The following XRCC4 variants were observed in gnomAD, a reference collection of about 807,000 sequenced individuals.
XRCC4 encodes the protein X-ray repair cross complementing 4.
XRCC4 carries 28 observed loss-of-function variants against 39.1 expected under a neutral mutation model. The ratio of observed to expected loss-of-function variants is 0.72; its 90% CI spans 0.53 to 0.98. The LOEUF is 0.98. Among genes scored for constraint, XRCC4 ranks in the 50% least tolerant of loss-of-function variants. The pLI, the probability that XRCC4 is intolerant of heterozygous loss-of-function variation, is 0.00. For synonymous variants in XRCC4, 123 were observed against 126.4 expected, an observed-to-expected ratio of 0.97 and a Z score of 0.18; for missense variants, 350 against 376.4, an observed-to-expected ratio of 0.93 and a Z score of 0.58.
At chr5:83,154,105 A>G (rs754105733) in intron 3 of XRCC4, among the ~76,000 whole-genome samples, 1 of 152,218 alleles carries the variant, frequency 6.6e-6, no homozygotes, top group East Asian at 1.9e-4. Context: ...TTGAATACAT[A>G]TGAATTGGCC....
chr5:83,342,006 G>C (rs944234237), intron 7 of XRCC4, among the ~76,000 whole-genome samples: 4 of 152,160 alleles, frequency 2.6e-5, no homozygotes, highest in African/African-American at 9.7e-5. Context: ...CACCTGGCCT[G>C]TCTTAAAGGA....
At chr5:83,147,873 C>T (rs184466325) in intron 3 of XRCC4, among the ~76,000 whole-genome samples, 147 of 151,654 alleles carry the variant, frequency 9.7e-4, no homozygotes, top group African/African-American at 3.3e-3. Context: ...TCACTGCAAT[C>T]TCTGCCTCCC....
chr5:83,354,027 C>T (rs1757160542), downstream of XRCC4, among the ~76,000 whole-genome samples: 1 of 152,148 alleles, frequency 6.6e-6, no homozygotes. Flanking sequence ...ACCTTTCATT[C>T]TTTCTTCACT....
chr5:83,227,760 T>C (rs1437132520), intron 6 of XRCC4, among the ~76,000 whole-genome samples: 1 of 152,130 alleles, frequency 6.6e-6, no homozygotes, highest in African/African-American at 2.4e-5. Flanking sequence ...GTTCTTTTTC[T>C]ATTCTGTTCT....
At chr5:83,257,675 T>C (rs983790826) in intron 6 of XRCC4, among the ~76,000 whole-genome samples, 1 of 152,162 alleles carries the variant, frequency 6.6e-6, no homozygotes, top group Non-Finnish European at 1.5e-5. Context: ...GACCCAGCAA[T>C]CCCATTACTG....
chr5:83,141,963 C>T (rs1230624101), intron 3 of XRCC4, among the ~76,000 whole-genome samples: 2 of 152,156 alleles, frequency 1.3e-5, no homozygotes, highest in Non-Finnish European at 2.9e-5. Flanking sequence ...TTTACACCTA[C>T]TGTCTTCTGG....
intron 7 of XRCC4, among the ~76,000 whole-genome samples, chr5:83,337,981 T>C (rs1239874498): frequency 2.0e-5 from 3 of 152,108 alleles, no homozygotes; most frequent in African/African-American, 7.2e-5. Context: ...ATGATACTAC[T>C]AAGACATCTA....
At chr5:83,349,201 C>A (rs1757007823) in intron 7 of XRCC4, among the ~76,000 whole-genome samples, 1 of 152,128 alleles carries the variant, frequency 6.6e-6, no homozygotes. Flanking sequence ...CACATACTAT[C>A]ACAAGAATAG....
chr5:83,081,100 C>T (rs966909035), intron 1 of XRCC4, among the ~76,000 whole-genome samples: 1 of 152,144 alleles, frequency 6.6e-6, no homozygotes, highest in African/African-American at 2.4e-5. Flanking sequence ...TGGATTCAGC[C>T]TCCTCACGGG....
intron 7 of XRCC4, 88 bp from the exon 8 acceptor site, chr5:83,353,043 A>G: frequency 9.6e-7 from 1 of 1,043,424 alleles, no homozygotes. Flanking sequence ...TTTAACTGTC[A>G]TTTCACTTAT....
Position 83,172,326 on chromosome 5 carries a change from C to G in XRCC4, c.316-23444C>G, listed in dbSNP as rs78483550. On this transcript the variant is annotated intron_variant, in intron 3 of 7. Transcript: ENST00000396027. ...AATATTTATAACTTTTCCAAACAAG[C>G]CTTCTAACCATTGCTTGTCCCTAAA... 4.5e-3 allele frequency among the ~76,000 whole-genome samples: 685 copies of G among 152,236 alleles called. 5 individuals are homozygous for G. Among genetic ancestry groups the G allele is most frequent in the Non-Finnish European group, 6.4e-3 (434 of 67,976 alleles).
downstream of XRCC4, among the ~76,000 whole-genome samples, chr5:83,354,582 G>T (rs1265263392): frequency 1.3e-5 from 2 of 152,112 alleles, no homozygotes; most frequent in Admixed American, 6.6e-5. Flanking sequence ...ATACATCTTG[G>T]CATCTTTTAT....
intron 7 of XRCC4, among the ~76,000 whole-genome samples, chr5:83,340,895 G>A (rs1756737930): frequency 6.6e-6 from 1 of 152,116 alleles, no homozygotes; most frequent in African/African-American, 2.4e-5. Flanking sequence ...TAGTATTATT[G>A]TCTACCCATG....
rs939045704 is a variant in XRCC4 at position 83,313,594 on chromosome 5, C to G, written c.894-39537C>G. Among the ~76,000 whole-genome samples, 4 of 152,276 alleles carry G rather than the reference C, an allele frequency of 2.6e-5. 1 individual carries two copies. Among genetic ancestry groups the G allele is most frequent in the East Asian group, 1.9e-4 (1 of 5,186 alleles). ...TCAGAAAAAAAAGATTCCTTTCATA[C>G]TTTTCTCCCCAACACTAACTCTGCT... On this transcript the variant is annotated intron_variant, in intron 7 of 7. Coordinates refer to ENST00000396027, the MANE Select transcript of XRCC4 (RefSeq NM_003401.5).
At chr5:83,200,620 A>G (rs537714224) in intron 4 of XRCC4, among the ~76,000 whole-genome samples, 10 of 152,322 alleles carry the variant, frequency 6.6e-5, no homozygotes, top group African/African-American at 2.4e-4. Context: ...ACACATCATC[A>G]TTCAATCAAG....
Position 83,123,549 on chromosome 5 carries a change from A to G in XRCC4, c.315+12346A>G, listed in dbSNP as rs28745317. Among the ~76,000 whole-genome samples, 940 of 111,698 alleles carry G rather than the reference A, an allele frequency of 8.4e-3. 38 individuals carry two copies. Among genetic ancestry groups the G allele is most frequent in the Admixed American group, 0.068 (895 of 13,088 alleles). 73.3% of individuals were successfully genotyped at this position (111,698 alleles called of 152,430 possible). A position where few individuals can be genotyped will look rare whatever the true frequency, so the allele number is the denominator to read the frequency against. ...GTTTTATGTAATTATTGACAATTAC[A>G]TAAAAAAATGGTGGTTTAAAAATCT... On this transcript the variant is annotated intron_variant, in intron 3 of 7. Coordinates refer to ENST00000396027, the MANE Select transcript of XRCC4 (RefSeq NM_003401.5).
At chr5:83,185,903 T>A (rs1750418341) in intron 3 of XRCC4, among the ~76,000 whole-genome samples, 1 of 152,104 alleles carries the variant, frequency 6.6e-6, no homozygotes, top group African/African-American at 2.4e-5. Flanking sequence ...AAAACAAAAC[T>A]ATTTTTAGAC....
intron 3 of XRCC4, among the ~76,000 whole-genome samples, chr5:83,116,040 T>C (rs990984795): frequency 1.3e-5 from 2 of 152,188 alleles, no homozygotes; most frequent in Non-Finnish European, 2.9e-5. Context: ...GATGTGCTTC[T>C]GCAGACTGAT....
At chr5:83,364,747 C>T in the XRCC4 span, among the ~76,000 whole-genome samples, 4 of 152,184 alleles carry the variant, frequency 2.6e-5, no homozygotes, top group Admixed American at 1.3e-4. Context: ...AATTAAAGAA[C>T]AGCCGAAAAT....
Sources: allele counts gnomAD v4.1 joint callset (sites outside exome capture counted in the v4.1 genomes callset), GRCh38; gene constraint gnomAD v4.1.1; transcripts MANE v1.5; gene names NCBI Gene and HGNC (gene_info 2026-07-23, HGNC 2026-07-21).